Variants in SEMA5A observed in about 807,000 individuals in gnomAD.
SEMA5A encodes the protein semaphorin-5A.
SEMA5A carries 55 observed loss-of-function variants against 135.5 expected under a neutral mutation model. The ratio of observed to expected loss-of-function variants is 0.41; its 90% CI spans 0.33 to 0.51. SEMA5A has a LOEUF of 0.51. SEMA5A is among the 20% of genes least tolerant of loss of function. SEMA5A has a pLI of 0.37. For missense variants in SEMA5A, 1,290 were observed against 1,419.9 expected (o/e 0.91, Z 1.47); for synonymous variants, 580 against 546.5 (o/e 1.06, Z -0.85).
intron 14 of SEMA5A, among the ~76,000 whole-genome samples, chr5:9,119,495 A>G (rs993347356): frequency 2.6e-5 from 4 of 152,240 alleles, no homozygotes; most frequent in African/African-American, 4.8e-5. Context: ...ATGAATCCCT[A>G]CACCTCTACA....
At chr5:9,433,900 C>G (rs929285122) in intron 2 of SEMA5A, among the ~76,000 whole-genome samples, 2 of 152,126 alleles carry the variant, frequency 1.3e-5, no homozygotes, top group East Asian at 3.9e-4. Flanking sequence ...TGTAGTAAAT[C>G]AACCATAGCT....
chr5:9,446,224 A>G (rs1248047990), intron 1 of SEMA5A, among the ~76,000 whole-genome samples: 1 of 152,208 alleles, frequency 6.6e-6, no homozygotes, highest in African/African-American at 2.4e-5. Flanking sequence ...TTGCCTCAGT[A>G]ACGGAAATAA....
intron 2 of SEMA5A, among the ~76,000 whole-genome samples, chr5:9,381,839 G>A (rs1755622610): frequency 6.6e-6 from 1 of 152,034 alleles, no homozygotes; most frequent in Admixed American, 6.6e-5. Context: ...AGACACAGAT[G>A]GACTTAAGAT....
At chr5:9,069,323 C>A (rs140338745) in intron 16 of SEMA5A, among the ~76,000 whole-genome samples, 5 of 152,322 alleles carry the variant, frequency 3.3e-5, no homozygotes, top group Non-Finnish European at 5.9e-5. Context: ...CATAGTTCTC[C>A]TCTGTTAGAC....
intron 9 of SEMA5A, among the ~76,000 whole-genome samples, chr5:9,199,543 A>T (rs1208507749): frequency 6.6e-6 from 1 of 152,192 alleles, no homozygotes; most frequent in Non-Finnish European, 1.5e-5. Flanking sequence ...TGAGAATGAG[A>T]AGGCTTAAAG....
intron 3 of SEMA5A, 146 bp downstream of exon 3, chr5:9,379,677 T>G: frequency 1.0e-6 from 1 of 984,018 alleles, no homozygotes; most frequent in South Asian, 1.9e-5. Flanking sequence ...TAGAGGCTTT[T>G]GTAGTTTTAC....
chr5:9,398,454 T>C (rs1756502528), intron 2 of SEMA5A, among the ~76,000 whole-genome samples: 2 of 152,238 alleles, frequency 1.3e-5, no homozygotes, highest in Non-Finnish European at 2.9e-5. Flanking sequence ...GTGCAATATT[T>C]TTCTCCAGTG....
At chr5:9,392,511 T>C (rs1756206752) in intron 2 of SEMA5A, among the ~76,000 whole-genome samples, 1 of 152,172 alleles carries the variant, frequency 6.6e-6, no homozygotes, top group Admixed American at 6.5e-5. Context: ...ATAAAATATA[T>C]TGGCGAGCTC....
chr5:9,395,971 A>G (rs1756378570), intron 2 of SEMA5A, among the ~76,000 whole-genome samples: 1 of 152,162 alleles, frequency 6.6e-6, no homozygotes, highest in Non-Finnish European at 1.5e-5. Context: ...GGAAGGTCAG[A>G]TGTTTCCCAA....
chr5:9,146,000 C>T (rs1193321694), intron 12 of SEMA5A, among the ~76,000 whole-genome samples: 1 of 152,094 alleles, frequency 6.6e-6, no homozygotes. Flanking sequence ...AACTGAAGTA[C>T]AAACAGTTGG....
intron 1 of SEMA5A, among the ~76,000 whole-genome samples, chr5:9,456,659 T>C (rs923079148): frequency 2.0e-5 from 3 of 152,072 alleles, no homozygotes; most frequent in South Asian, 2.1e-4. Flanking sequence ...GAGGTCTAAG[T>C]CAGCCCAGCT....
intron 11 of SEMA5A, among the ~76,000 whole-genome samples, chr5:9,169,715 A>G (rs1001452657): frequency 6.6e-6 from 1 of 152,172 alleles, no homozygotes; most frequent in African/African-American, 2.4e-5. Context: ...AGGACTGACT[A>G]TTCCTTCAGC....
At chr5:9,382,985 G>A (rs1423251222) in intron 2 of SEMA5A, among the ~76,000 whole-genome samples, 1 of 152,224 alleles carries the variant, frequency 6.6e-6, no homozygotes, top group African/African-American at 2.4e-5. Context: ...ATAGGAATAA[G>A]AGATGCTGAG....
chr5:9,205,270 A>G lies in SEMA5A; in HGVS notation c.647-3030T>C, dbSNP rs1806072. Among the ~76,000 whole-genome samples the G allele has an allele frequency of 4.8e-3, 736 of 152,266 alleles. 13 individuals carry two copies. The highest frequency in any genetic ancestry group is 0.045 in the East Asian group (234 of 5,168). On this transcript the variant is annotated intron_variant, in intron 8 of 22. Transcript: ENST00000382496. ...TTTCAGAACCAACCAGAGAGACAAT[A>G]AATGATGAGATGAAACTTTAAACCA...
At chr5:9,245,952 A>G (rs1748458455) in intron 5 of SEMA5A, among the ~76,000 whole-genome samples, 1 of 152,094 alleles carries the variant, frequency 6.6e-6, no homozygotes, top group Admixed American at 6.6e-5. Context: ...AACACGAATG[A>G]ACCCTGCTGG....
At chr5:9,278,077 C>A (rs1158517600) in intron 5 of SEMA5A, among the ~76,000 whole-genome samples, 1 of 150,878 alleles carries the variant, frequency 6.6e-6, no homozygotes, top group Non-Finnish European at 1.5e-5. Flanking sequence ...TTAAAATCAG[C>A]CGTATTTACT....
chr5:9,429,591 C>A (rs1179913507), intron 2 of SEMA5A, among the ~76,000 whole-genome samples: 2 of 152,164 alleles, frequency 1.3e-5, no homozygotes, highest in African/African-American at 4.8e-5. Flanking sequence ...GGGAGACTTT[C>A]CATTTTAGTC....
At chr5:9,288,527 CAG>C (rs1750913267) in intron 5 of SEMA5A, among the ~76,000 whole-genome samples, 1 of 152,292 alleles carries the variant, frequency 6.6e-6, no homozygotes, top group Middle Eastern at 3.4e-3. Flanking sequence ...GAGGCAGAAA[CAG>C]ACGCTGGGAG....
chr5:9,401,640 A>G (rs1301725922), intron 2 of SEMA5A, among the ~76,000 whole-genome samples: 1 of 152,206 alleles, frequency 6.6e-6, no homozygotes, highest in African/African-American at 2.4e-5. Flanking sequence ...CCAAAATCAC[A>G]GTTCTATAAA....
Sources: gnomAD v4.1 joint callset for allele counts (sites outside exome capture counted in the v4.1 genomes callset) on GRCh38, gnomAD v4.1.1 for gene constraint, MANE v1.5 for transcripts, NCBI Gene and HGNC (gene_info 2026-07-23, HGNC 2026-07-21) for gene names.